The following MIPOL1 variants were observed in gnomAD, a reference collection of about 807,000 sequenced individuals.
MIPOL1 encodes mirror-image polydactyly 1.
Under a neutral mutation model 60.9 loss-of-function variants are expected in MIPOL1, and 57 were observed. That is an observed-to-expected ratio of 0.94 (90% CI 0.76 to 1.17). The LOEUF is 1.17. Among genes scored for constraint, MIPOL1 ranks in the 50% most tolerant of loss-of-function variants. The pLI is 0.00. For missense variants in MIPOL1, 551 were observed against 511.6 expected (o/e 1.08, Z -0.74); for synonymous variants, 179 against 168.8 (o/e 1.06, Z -0.47).
intron 1 of MIPOL1, among the ~76,000 whole-genome samples, chr14:37,205,490 T>G (rs1412234161): frequency 6.6e-6 from 1 of 151,978 alleles, no homozygotes; most frequent in Non-Finnish European, 1.5e-5. Context: ...TTTAATACCT[T>G]AAGTTCTAGG....
At chr14:37,388,720 T>C (rs1354812805) in intron 10 of MIPOL1, among the ~76,000 whole-genome samples, 1 of 152,064 alleles carries the variant, frequency 6.6e-6, no homozygotes, top group Non-Finnish European at 1.5e-5. Flanking sequence ...TTTTCTGGAA[T>C]GCTATGCAAG....
chr14:37,250,798 C>T (rs529636370), intron 3 of MIPOL1, among the ~76,000 whole-genome samples: 1 of 151,990 alleles, frequency 6.6e-6, no homozygotes, highest in Non-Finnish European at 1.5e-5. Flanking sequence ...TTAATTAAAA[C>T]TTGTATTACA....
rs1465609471 is a variant in MIPOL1 at position 37,313,023 on chromosome 14, A to T, written c.828+4504A>T. ...AGGACCTTAGGAGCCATCTAGTTAA[A>T]TTGTTCACCAAATTAAGGAATCTGA... On this transcript the variant is annotated intron_variant, in intron 9 of 12. Transcript: ENST00000684589. 3.3e-5 allele frequency among the ~76,000 whole-genome samples: 5 copies of T among 152,322 alleles called. No individual in the cohort carries two copies. The East Asian group carries it at 9.6e-4, about 29-fold the overall frequency.
intron 3 of MIPOL1, among the ~76,000 whole-genome samples, chr14:37,249,612 T>C (rs1973763104): frequency 6.6e-6 from 1 of 152,168 alleles, no homozygotes; most frequent in Non-Finnish European, 1.5e-5. Flanking sequence ...CTGGGTAAGA[T>C]AGTTCAAGGT....
chr14:37,320,708 T>C (rs1307681037), intron 9 of MIPOL1, among the ~76,000 whole-genome samples: 2 of 152,130 alleles, frequency 1.3e-5, no homozygotes, highest in African/African-American at 4.8e-5. Context: ...TCTACTGTGC[T>C]TTCTTCTAGA....
intron 1 of MIPOL1, among the ~76,000 whole-genome samples, chr14:37,211,484 A>G (rs1358725842): frequency 1.3e-5 from 2 of 152,144 alleles, no homozygotes; most frequent in Middle Eastern, 3.4e-3. Flanking sequence ...AGCAGACCAG[A>G]CTCAGCTGAT....
At chr14:37,386,190 T>C (rs977919671) in intron 10 of MIPOL1, among the ~76,000 whole-genome samples, 4 of 152,082 alleles carry the variant, frequency 2.6e-5, no homozygotes, top group African/African-American at 9.6e-5. Context: ...TGAAATATTA[T>C]ATAAACTTTA....
At chr14:37,468,232 C>T (rs368560285) in intron 11 of MIPOL1, among the ~76,000 whole-genome samples, 1 of 151,668 alleles carries the variant, frequency 6.6e-6, no homozygotes, top group Non-Finnish European at 1.5e-5. Context: ...GAATAAATGC[C>T]GCTTTCAGGA....
intron 7 of MIPOL1, among the ~76,000 whole-genome samples, chr14:37,298,999 G>A (rs1671803202): frequency 1.3e-5 from 2 of 151,480 alleles, no homozygotes; most frequent in African/African-American, 2.4e-5. Flanking sequence ...ACATGCACAC[G>A]TATGTTTATT....
Position 37,548,671 on chromosome 14 carries a change from C to G in MIPOL1, c.*1700C>G, listed in dbSNP as rs1383371637. ...AAGTAAAGAGAAACAATTTTTGTCA[C>G]AAAGTAGTCCATTCCTGATCTCACT... On this transcript the variant is annotated 3_prime_UTR_variant, in exon 13 of 13. Coordinates refer to ENST00000684589, the MANE Select transcript of MIPOL1 (RefSeq NM_001388067.1). The G allele has an allele frequency of 6.6e-6, 1 of 151,902 alleles. No individual in the cohort carries two copies. The highest frequency in any genetic ancestry group is 6.6e-5 in the Admixed American group (1 of 15,254). 9.4% of individuals were successfully genotyped at this position (151,902 alleles called of 1,614,324 possible). A position where few individuals can be genotyped will look rare whatever the true frequency, so the allele number is the denominator to read the frequency against.
At chr14:37,264,740 A>G (rs2153382621) in intron 3 of MIPOL1, among the ~76,000 whole-genome samples, 1 of 152,312 alleles carries the variant, frequency 6.6e-6, no homozygotes, top group Non-Finnish European at 1.5e-5. Context: ...TTTGTTTTGC[A>G]ACTTTCTTAT....
chr14:37,358,072 G>C (rs1454516301), intron 9 of MIPOL1, among the ~76,000 whole-genome samples: 2 of 151,866 alleles, frequency 1.3e-5, no homozygotes, highest in Non-Finnish European at 2.9e-5. Context: ...TCCCATCTGT[G>C]AGTGAGAACA....
chr14:37,444,007 A>G (rs2153568609), intron 11 of MIPOL1, among the ~76,000 whole-genome samples: 2 of 152,286 alleles, frequency 1.3e-5, no homozygotes, highest in African/African-American at 4.8e-5. Flanking sequence ...TACAGCTATT[A>G]TATTTAATGA....
At chr14:37,232,622 A>G (rs1487211385) in intron 1 of MIPOL1, among the ~76,000 whole-genome samples, 1 of 152,138 alleles carries the variant, frequency 6.6e-6, no homozygotes, top group Admixed American at 6.5e-5. Flanking sequence ...CATTTTGACT[A>G]TTATTTGTTC....
chr14:37,501,264 G>T (rs967309697), intron 12 of MIPOL1, among the ~76,000 whole-genome samples: 1 of 152,118 alleles, frequency 6.6e-6, no homozygotes, highest in Non-Finnish European at 1.5e-5. Context: ...CACAATGTAC[G>T]TTAATATTCT....
chr14:37,537,351 T>C (rs1299097463), intron 12 of MIPOL1, among the ~76,000 whole-genome samples: 1 of 152,196 alleles, frequency 6.6e-6, no homozygotes, highest in Non-Finnish European at 1.5e-5. Context: ...ATGTATGATA[T>C]AAGTCATAGT....
At chr14:37,207,440 G>A (rs1966266090) in intron 1 of MIPOL1, among the ~76,000 whole-genome samples, 2 of 152,156 alleles carry the variant, frequency 1.3e-5, no homozygotes, top group Non-Finnish European at 1.5e-5. Context: ...TGTGAAAACA[G>A]ACTAATATAG....
At chr14:37,496,518 G>C (rs1200756967) in intron 11 of MIPOL1, among the ~76,000 whole-genome samples, 4,492 of 104,602 alleles carry the variant, frequency 0.043, no homozygotes, top group East Asian at 0.066. Context: ...CAGACAAACA[G>C]AGAGCCAAAT....
rs1293228279 is a variant in MIPOL1, at chr14:37,277,669, G to A, written c.493+7144G>A. On this transcript the variant is annotated intron_variant, in intron 6 of 12. Transcript: ENST00000684589. Reference sequence around the variant, plus strand: ...AACACTTCCTGTACTGATGCTGAGTGTATAAATTTACAGCAACTTTACAGG... The same window carrying A: ...AACACTTCCTGTACTGATGCTGAGTATATAAATTTACAGCAACTTTACAGG... The A allele has an allele frequency of 2.6e-5, 4 of 151,414 alleles. No homozygotes were observed. In the East Asian group the frequency reaches 7.7e-4, roughly 29 times the overall value. The allele number at this position is 151,414 out of a possible 1,614,324, so 9.4% of individuals were successfully genotyped here.
Sources: gnomAD v4.1 joint callset for allele counts (sites outside exome capture counted in the v4.1 genomes callset) on GRCh38, gnomAD v4.1.1 for gene constraint, MANE v1.5 for transcripts, NCBI Gene and HGNC (gene_info 2026-07-23, HGNC 2026-07-21) for gene names.